The following RTL4 variants were observed in gnomAD, a reference collection of about 807,000 sequenced individuals.
The protein encoded by RTL4 is retrotransposon Gag-like protein 4.
RTL4 carries 4 observed loss-of-function variants against 5.3 expected under a neutral mutation model. The ratio of observed to expected loss-of-function variants is 0.75; its 90% CI spans 0.37 to 1.72. The LOEUF is 1.72. Ranked by LOEUF, RTL4 falls within the 40% of genes most tolerant of loss-of-function variation. The pLI is 0.04. For missense variants in RTL4, 260 were observed against 227.1 expected, an observed-to-expected ratio of 1.14 and a Z score of -0.93; for synonymous variants, 98 against 87.3, an observed-to-expected ratio of 1.12 and a Z score of -0.68.
the RTL4 span, among the ~76,000 whole-genome samples, chrX:112,289,273 G>C: frequency 8.9e-6 from 1 of 111,896 alleles, no homozygotes; most frequent in Admixed American, 9.5e-5. Context: ...TAGTTTCTAG[G>C]CTTAACTCAA....
At chrX:112,308,936 T>A in the RTL4 span, among the ~76,000 whole-genome samples, 4 of 111,707 alleles carry the variant, frequency 3.6e-5, no homozygotes, top group Non-Finnish European at 7.5e-5. Flanking sequence ...AGATTAGAGC[T>A]TTGCTTCCTC....
the RTL4 span, among the ~76,000 whole-genome samples, chrX:112,106,001 A>G: frequency 4.5e-5 from 5 of 111,906 alleles, no homozygotes; most frequent in Admixed American, 1.9e-4. Flanking sequence ...GTTAAATATG[A>G]TATTATCCAT....
At chrX:112,353,248 G>T in the RTL4 span, among the ~76,000 whole-genome samples, 2 of 111,532 alleles carry the variant, frequency 1.8e-5, no homozygotes, top group Non-Finnish European at 3.8e-5. Context: ...TTGTAAACTC[G>T]TTCAACCATC....
the RTL4 span, among the ~76,000 whole-genome samples, chrX:112,267,521 T>G: frequency 4.3e-4 from 48 of 111,716 alleles, no homozygotes; most frequent in Non-Finnish European, 7.1e-4. Context: ...AGTCTCACAG[T>G]CTTCTCTTCT....
chrX:112,131,219 C>T, the RTL4 span, among the ~76,000 whole-genome samples: 2 of 99,548 alleles, frequency 2.0e-5, no homozygotes, highest in African/African-American at 7.4e-5. Flanking sequence ...ATGTAAATAC[C>T]TTTTTTTTTT....
chrX:112,284,655 A>G, the RTL4 span, among the ~76,000 whole-genome samples: 2 of 111,196 alleles, frequency 1.8e-5, no homozygotes, highest in Non-Finnish European at 3.8e-5. Context: ...TAATCATTCT[A>G]TAACTGGAAG....
the RTL4 span, among the ~76,000 whole-genome samples, chrX:112,241,767 G>T: frequency 1.5e-4 from 17 of 111,716 alleles, no homozygotes; most frequent in African/African-American, 5.5e-4. Flanking sequence ...TGAAGTCCTT[G>T]CCCATGCCTA....
At chrX:112,269,024 C>T in the RTL4 span, among the ~76,000 whole-genome samples, 2 of 112,081 alleles carry the variant, frequency 1.8e-5, no homozygotes, top group Non-Finnish European at 3.8e-5. Flanking sequence ...CTTGTCTCTG[C>T]ACCCCTAGGA....
chrX:112,326,803 A>G, the RTL4 span, among the ~76,000 whole-genome samples: 2 of 111,650 alleles, frequency 1.8e-5, no homozygotes, highest in African/African-American at 3.3e-5. Flanking sequence ...ATGCAGCTGG[A>G]GATCTGAGAA....
the RTL4 span, among the ~76,000 whole-genome samples, chrX:112,131,218 C>CT: frequency 1.9e-4 from 2 of 10,696 alleles, no homozygotes; most frequent in African/African-American, 5.5e-4. Flanking sequence ...TATGTAAATA[C>CT]CTTTTTTTTT....
chrX:112,280,661 CT>C, the RTL4 span, among the ~76,000 whole-genome samples: 1 of 109,442 alleles, frequency 9.1e-6, no homozygotes, highest in East Asian at 2.9e-4. Flanking sequence ...TCTAACTTAT[CT>C]TTATATTTTG....
At chrX:112,098,842 T>C in the RTL4 span, among the ~76,000 whole-genome samples, 2 of 112,111 alleles carry the variant, frequency 1.8e-5, no homozygotes, top group Non-Finnish European at 3.8e-5. Context: ...TGTAGAAAGC[T>C]GAAACTGGAT....
chrX:112,242,091 T>G, the RTL4 span, among the ~76,000 whole-genome samples: 9 of 111,986 alleles, frequency 8.0e-5, no homozygotes, highest in African/African-American at 2.6e-4. Context: ...CTGTTTTGGT[T>G]ACTGTAGCCT....
chrX:112,112,469 C>A, the RTL4 span, among the ~76,000 whole-genome samples: 3 of 111,864 alleles, frequency 2.7e-5, no homozygotes, highest in Admixed American at 9.5e-5. Context: ...GTTTTAATGT[C>A]TTAGCGTGAG....
chrX:112,083,447 G>A, the RTL4 span, among the ~76,000 whole-genome samples: 3 of 112,315 alleles, frequency 2.7e-5, no homozygotes, highest in African/African-American at 3.2e-5. Flanking sequence ...GGGAGACAGC[G>A]GAGCGCTGAG....
At chrX:112,207,639 G>GT in the RTL4 span, among the ~76,000 whole-genome samples, 1,910 of 91,061 alleles carry the variant, frequency 0.021, 26 homozygotes, top group Middle Eastern at 0.051. Flanking sequence ...TAGTGGCATT[G>GT]TTTTTTTTTT....
chrX:112,216,357 G>T, the RTL4 span, among the ~76,000 whole-genome samples: 2 of 111,783 alleles, frequency 1.8e-5, no homozygotes, highest in African/African-American at 6.5e-5. Flanking sequence ...AAATGTTTTA[G>T]AATATCACTA....
chrX:112,447,008 T>C, the RTL4 span, among the ~76,000 whole-genome samples: 115 of 112,207 alleles, frequency 1.0e-3, no homozygotes, highest in South Asian at 4.1e-3. Flanking sequence ...AAGCTAGTGC[T>C]AGGCCCTGGG....
chrX:112,120,610 T>A, the RTL4 span, among the ~76,000 whole-genome samples: 1 of 101,771 alleles, frequency 9.8e-6, no homozygotes, highest in Non-Finnish European at 2.0e-5. Flanking sequence ...ACTTGGAAGA[T>A]CATAAGCATT....
Sources: allele counts gnomAD v4.1 joint callset (sites outside exome capture counted in the v4.1 genomes callset), GRCh38; gene constraint gnomAD v4.1.1; transcripts MANE v1.5; gene names NCBI Gene and HGNC (gene_info 2026-07-23, HGNC 2026-07-21).